The following SHROOM4 variants were observed in gnomAD, a reference collection of about 807,000 sequenced individuals.
The protein encoded by SHROOM4 is shroom family member 4, also known as protein Shroom4.
Under a neutral mutation model 80.3 loss-of-function variants are expected in SHROOM4, and 17 were observed. The ratio of observed to expected loss-of-function variants is 0.21; its 90% CI spans 0.14 to 0.32. The LOEUF (loss-of-function observed/expected upper bound fraction) is 0.32. SHROOM4 is among the 10% of genes least tolerant of loss of function. The probability of loss-of-function intolerance (pLI) is 1.00; values close to 1 mark genes in which losing one functional copy is unlikely to be tolerated. For missense variants in SHROOM4, 993 were observed against 1,140.3 expected, an observed-to-expected ratio of 0.87 and a Z score of 1.86; for synonymous variants, 400 against 437.5, an observed-to-expected ratio of 0.91 and a Z score of 1.07.
chrX:50,591,124 A>C lies in SHROOM4; in HGVS notation c.*5571T>G, dbSNP rs1928866910. 8.9e-6 allele frequency among the ~76,000 whole-genome samples: 1 copy of C among 112,253 alleles called. No individual in the cohort carries two copies. The highest frequency in any genetic ancestry group is 3.2e-5 in the African/African-American group (1 of 30,977). ...GAAAACTTCATTTTTTCCCATGTAG[A>C]TACCCAGTTGTCTCAGCATCATTTG... On this transcript the variant is annotated 3_prime_UTR_variant, in exon 9 of 9. Transcript: ENST00000376020.
chrX:50,792,138 C>A (rs1225111244), intron 1 of SHROOM4, among the ~76,000 whole-genome samples: 1 of 111,634 alleles, frequency 9.0e-6, no homozygotes, highest in East Asian at 2.8e-4. Flanking sequence ...GCAACAAAAG[C>A]AAAAATAAAC....
At chrX:50,755,218 T>C (rs1366309730) in intron 1 of SHROOM4, among the ~76,000 whole-genome samples, 1 of 112,246 alleles carries the variant, frequency 8.9e-6, no homozygotes, top group Non-Finnish European at 1.9e-5. Flanking sequence ...AGTAATATCA[T>C]TTTAGCAACT....
chrX:50,633,241 A>G lies in SHROOM4; in HGVS notation c.2832T>C (p.Ser944=). ...GTGCCAAGCTGCTGTCCTCGAGGGCACTGTGCTGAGGATTATGATAGCAAA... is the reference window on the plus strand; with the variant it reads ...GTGCCAAGCTGCTGTCCTCGAGGGCGCTGTGCTGAGGATTATGATAGCAAA... ...CSVCYHNPQH[S]ALEDSSLAPG... Residue 944 remains serine, a synonymous_variant, in exon 4 of 9, where the codon AGT becomes AGC. Coordinates refer to ENST00000376020, the MANE Select transcript of SHROOM4 (RefSeq NM_020717.5). 8.3e-7 allele frequency: 1 copy of G among 1,211,599 alleles called. No homozygotes were observed. Among genetic ancestry groups the G allele is most frequent in the Middle Eastern group, 2.3e-4 (1 of 4,355 alleles).
Position 50,627,659 on chromosome X carries a change from T to A in SHROOM4, c.2912A>T (p.Lys971Ile). ...KLTVQEFPGD[K>I]WNPITGNRKT... ...CCTGTTTCCTGTTATTGGATTCCAT[T>A]TGTCCCCAGGAAATTCCTGTAAAGA... Residue 971 changes from lysine (K) to isoleucine (I), a missense_variant, in exon 5 of 9, where the codon AAA (lysine) becomes ATA (isoleucine). By Grantham distance (102) the Lys-to-Ile change is moderately radical. Transcript: ENST00000376020. 8.3e-7 allele frequency: 1 copy of A among 1,210,307 alleles called. No homozygotes were observed. The highest frequency in any genetic ancestry group is 1.1e-6 in the Non-Finnish European group (1 of 894,356).
chrX:50,672,569 A>C (rs1055613150), intron 2 of SHROOM4, among the ~76,000 whole-genome samples: 2 of 111,632 alleles, frequency 1.8e-5, no homozygotes, highest in African/African-American at 6.5e-5. Flanking sequence ...TAACATTCAT[A>C]GTACTGAAGT....
At chrX:50,577,727 T>C in the SHROOM4 span, among the ~76,000 whole-genome samples, 3 of 111,773 alleles carry the variant, frequency 2.7e-5, no homozygotes, top group Non-Finnish European at 5.6e-5. Context: ...TCTCCAACCA[T>C]AGTTACCAGT....
Position 50,711,818 on chromosome X carries a change from T to TA in SHROOM4, c.118-15882dup, listed in dbSNP as rs1404749145. 5.3e-5 allele frequency among the ~76,000 whole-genome samples: 6 copies of TA among 112,252 alleles called. No individual in the cohort carries two copies. In the South Asian group the frequency reaches 2.2e-3, roughly 41 times the overall value. Reference sequence around the variant, plus strand: ...AACGTCAGAAACACACAAAAACAAGTAAAAAATTTGGATTTTTATTGTCCC... The same window carrying TA: ...AACGTCAGAAACACACAAAAACAAGTAAAAAAATTTGGATTTTTATTGTCCC... On this transcript the variant is annotated intron_variant, in intron 1 of 8. Coordinates refer to ENST00000376020, the MANE Select transcript of SHROOM4 (RefSeq NM_020717.5).
chrX:50,653,620 G>A (rs1169232975), intron 2 of SHROOM4, among the ~76,000 whole-genome samples: 1 of 111,643 alleles, frequency 9.0e-6, no homozygotes, highest in African/African-American at 3.3e-5. Flanking sequence ...GGAGTGGTGA[G>A]AGAGGCCATC....
chrX:50,611,930 G>A (rs1187430257), intron 5 of SHROOM4, among the ~76,000 whole-genome samples: 1 of 110,410 alleles, frequency 9.1e-6, no homozygotes, highest in African/African-American at 3.3e-5. Flanking sequence ...TCTGTCTCAA[G>A]AAAAAGAAAA....
intron 4 of SHROOM4, 104 bp downstream of exon 4, chrX:50,633,074 A>G (rs1557254463): frequency 1.2e-6 from 1 of 830,099 alleles, no homozygotes; most frequent in African/African-American, 2.0e-5. Context: ...CCAGTGCTGT[A>G]CAGTTTCAAG....
chrX:50,741,937 A>C lies in SHROOM4; in HGVS notation c.118-46000T>G, dbSNP rs782272228. ...ACTTTCAATCCTATTTATATGTTAT[A>C]AACATATTTTATATGCTAATATAGT... On this transcript the variant is annotated intron_variant, in intron 1 of 8. Transcript: ENST00000376020. Among the ~76,000 whole-genome samples the C allele has an allele frequency of 4.7e-3, 529 of 111,560 alleles. 4 individuals are homozygous for C. The highest frequency in any genetic ancestry group is 0.016 in the African/African-American group (504 of 30,842).
At chrX:50,662,344 T>C (rs1557260037) in intron 2 of SHROOM4, among the ~76,000 whole-genome samples, 2 of 110,052 alleles carry the variant, frequency 1.8e-5, no homozygotes. Flanking sequence ...GCTAAAAATA[T>C]AAAAAAATTA....
chrX:50,605,944 AT>A (rs1557248417), intron 6 of SHROOM4, among the ~76,000 whole-genome samples: 1 of 111,734 alleles, frequency 8.9e-6, no homozygotes, highest in Non-Finnish European at 1.9e-5. Flanking sequence ...TTGGGAGGTC[AT>A]TTTCCCTTTT....
At chrX:50,792,742 T>G (rs1198386962) in intron 1 of SHROOM4, among the ~76,000 whole-genome samples, 1 of 107,561 alleles carries the variant, frequency 9.3e-6, no homozygotes, top group African/African-American at 3.4e-5. Context: ...ATTAAGGAAA[T>G]GCAAGTCAAA....
chrX:50,731,172 G>C (rs1271303945), intron 1 of SHROOM4, among the ~76,000 whole-genome samples: 2 of 109,920 alleles, frequency 1.8e-5, no homozygotes, highest in Non-Finnish European at 3.8e-5. Context: ...ATGGTCCTAA[G>C]GGCAAAACAG....
intron 1 of SHROOM4, among the ~76,000 whole-genome samples, chrX:50,812,280 C>T (rs1936349549): frequency 2.1e-5 from 2 of 93,954 alleles, no homozygotes; most frequent in Admixed American, 2.5e-4. Flanking sequence ...TCCTGAAGGC[C>T]AGGATTCCCC....
At chrX:50,769,390 T>G (rs990532664) in intron 1 of SHROOM4, among the ~76,000 whole-genome samples, 1 of 112,209 alleles carries the variant, frequency 8.9e-6, no homozygotes, top group African/African-American at 3.2e-5. Flanking sequence ...CTGGCTCAGT[T>G]TCTCTCAGTT....
intron 2 of SHROOM4, among the ~76,000 whole-genome samples, chrX:50,647,054 G>A (rs904574122): frequency 5.4e-5 from 6 of 111,855 alleles, no homozygotes; most frequent in Non-Finnish European, 1.1e-4. Context: ...TAACCATACA[G>A]ATGACTCGGG....
the SHROOM4 span, among the ~76,000 whole-genome samples, chrX:50,576,637 T>C: frequency 3.6e-5 from 4 of 111,453 alleles, no homozygotes; most frequent in South Asian, 7.5e-4. Context: ...GTGTGTGTTC[T>C]GTTTGTTCCC....
Sources: gnomAD v4.1 joint callset for allele counts (sites outside exome capture counted in the v4.1 genomes callset) on GRCh38, gnomAD v4.1.1 for gene constraint, MANE v1.5 for transcripts, NCBI Gene and HGNC (gene_info 2026-07-23, HGNC 2026-07-21) for gene names.